Variants in MTA3 observed in about 807,000 individuals in gnomAD.
MTA3 encodes metastasis associated 1 family member 3.
A neutral mutation model predicts 83.5 loss-of-function variants in MTA3; 34 were observed. That is an observed-to-expected ratio of 0.41 (90% confidence interval 0.31 to 0.54). The LOEUF is 0.54. MTA3 is among the 20% of genes least tolerant of loss of function. MTA3 has a pLI of 0.33. For missense variants in MTA3, 761 were observed against 726.4 expected, an observed-to-expected ratio of 1.05 and a Z score of -0.55; for synonymous variants, 303 against 252.7, an observed-to-expected ratio of 1.20 and a Z score of -1.89.
In MTA3 at chr2:42,754,127, C is replaced by T; in HGVS notation, c.*728C>T. Reference sequence around the variant, plus strand: ...GGTGTTCTGCCCGGCTCTGCTTGGTCACAGACAGCTCCAGCAAGAGCAGTT... The same window carrying T: ...GGTGTTCTGCCCGGCTCTGCTTGGTTACAGACAGCTCCAGCAAGAGCAGTT... On this transcript the variant is annotated 3_prime_UTR_variant, in exon 17 of 17. Coordinates refer to ENST00000405094, the MANE Select transcript of MTA3 (RefSeq NM_001330442.2). 1.0e-6 allele frequency: 1 copy of T among 985,426 alleles called. No individual in the cohort carries two copies. Among genetic ancestry groups the T allele is most frequent in the Non-Finnish European group, 1.2e-6 (1 of 829,948 alleles). The allele number at this position is 985,426 out of a possible 1,614,324, so 61.0% of individuals were successfully genotyped here.
chr2:42,574,517 A>T (rs527621448), intron 2 of MTA3, among the ~76,000 whole-genome samples: 57 of 151,716 alleles, frequency 3.8e-4, no homozygotes, highest in African/African-American at 1.3e-3. Context: ...GCTCACTGCA[A>T]CCTCCTCCTC....
chr2:42,553,423 C>CAAAA (rs35686153), intron 2 of MTA3, among the ~76,000 whole-genome samples: 1 of 122,570 alleles, frequency 8.2e-6, no homozygotes, highest in African/African-American at 3.2e-5. Context: ...GACTCCATCT[C>CAAAA]AAAAAAAAAA....
intron 4 of MTA3, among the ~76,000 whole-genome samples, chr2:42,633,624 G>A (rs1389220534): frequency 1.3e-5 from 2 of 151,438 alleles, no homozygotes; most frequent in African/African-American, 4.9e-5. Flanking sequence ...GGGCGCGGTG[G>A]CTCATGCCTG....
rs377259680 is a variant in MTA3, at chr2:42,553,572, C to A, written c.-140-16865C>A. Among the ~76,000 whole-genome samples the A allele has an allele frequency of 3.3e-5, 5 of 149,778 alleles. No individual in the cohort carries two copies. In the East Asian group the frequency reaches 6.0e-4, roughly 18 times the overall value. On this transcript the variant is annotated intron_variant, in intron 2 of 17. Coordinates refer to the MTA3 transcript ENST00000405592. ...CCAACATGGAGAAACCCCGTCTCTA[C>A]TAAAAATACAAAATTAACCGAGTAT...
At chr2:42,666,120 A>G (rs1412799881) in intron 8 of MTA3, among the ~76,000 whole-genome samples, 1 of 152,162 alleles carries the variant, frequency 6.6e-6, no homozygotes, top group African/African-American at 2.4e-5. Flanking sequence ...TACTAAAAAT[A>G]CAAAAAATTA....
chr2:42,675,388 C>A (rs1691249985), intron 8 of MTA3, among the ~76,000 whole-genome samples: 1 of 152,136 alleles, frequency 6.6e-6, no homozygotes, highest in South Asian at 2.1e-4. Context: ...CCTGCGTTGG[C>A]CTCCTAAAGT....
At chr2:42,575,075 TTGGC>T in intron 2 of MTA3, among the ~76,000 whole-genome samples, 1 of 152,322 alleles carries the variant, frequency 6.6e-6, no homozygotes, top group Middle Eastern at 3.4e-3. Flanking sequence ...CCTATATTCT[TTGGC>T]TGTCACTGCC....
intron 11 of MTA3, among the ~76,000 whole-genome samples, chr2:42,701,421 T>TC (rs1382282961): frequency 2.0e-5 from 1 of 51,034 alleles, no homozygotes; most frequent in Admixed American, 2.3e-4. Flanking sequence ...CCTGTATCTA[T>TC]CAAAAAAAAA....
rs193180603 is a variant in MTA3 at position 42,559,677 on chromosome 2, G to A, written c.-140-10760G>A. Among the ~76,000 whole-genome samples the A allele has an allele frequency of 9.5e-4, 144 of 151,478 alleles. 2 individuals carry two copies. Among genetic ancestry groups the A allele is most frequent in the African/African-American group, 3.3e-3 (135 of 41,284 alleles). On this transcript the variant is annotated intron_variant, in intron 2 of 17. Transcript: ENST00000405592. ...GTGGATCACCTGAGGTCGGGAGTTCGAGACCAGCCTGACCAACATGGAGAA... is the reference window on the plus strand; with the variant it reads ...GTGGATCACCTGAGGTCGGGAGTTCAAGACCAGCCTGACCAACATGGAGAA...
intron 2 of MTA3, among the ~76,000 whole-genome samples, chr2:42,545,669 A>C (rs1676728830): frequency 6.6e-6 from 1 of 152,242 alleles, no homozygotes; most frequent in South Asian, 2.1e-4. Flanking sequence ...TGCCTGGCAC[A>C]TGGCAGGTTT....
intron 9 of MTA3, among the ~76,000 whole-genome samples, chr2:42,691,239 T>G (rs547613353): frequency 2.6e-5 from 4 of 151,918 alleles, no homozygotes; most frequent in East Asian, 1.9e-4. Flanking sequence ...CTCAATCTCC[T>G]GACCTTGTGA....
Position 42,708,864 on chromosome 2 carries a change from G to T in MTA3, c.1303-10G>T. 1 of 1,613,440 alleles carries T rather than the reference G, an allele frequency of 6.2e-7. No homozygotes were observed. The highest frequency in any genetic ancestry group is 1.1e-5 in the South Asian group (1 of 90,986). On this transcript the variant is annotated splice_polypyrimidine_tract_variant and intron_variant, in intron 13 of 16. Transcript: ENST00000405094. ...CTTCCTTGAGTGTTTGTTGTTTTCT[G>T]ATTTTGCAGGACCCTCGTGTTAGAA...
intron 2 of MTA3, among the ~76,000 whole-genome samples, chr2:42,507,656 C>T (rs1005685571): frequency 2.7e-5 from 4 of 150,802 alleles, no homozygotes; most frequent in Non-Finnish European, 4.4e-5. Context: ...AGGTCAGGTG[C>T]CGTGGCTCAC....
chr2:42,675,280 C>A (rs1040139554), intron 8 of MTA3, among the ~76,000 whole-genome samples: 6 of 151,918 alleles, frequency 3.9e-5, no homozygotes, highest in African/African-American at 1.5e-4. Context: ...GGACTACAGG[C>A]GCATGCCACC....
intron 8 of MTA3, among the ~76,000 whole-genome samples, chr2:42,668,116 C>T (rs1020270536): frequency 4.6e-5 from 7 of 152,146 alleles, no homozygotes; most frequent in Non-Finnish European, 1.0e-4. Context: ...GGGAGTGCAG[C>T]CACACTATGA....
At chr2:42,627,802 T>C (rs571073432) in intron 4 of MTA3, among the ~76,000 whole-genome samples, 1 of 146,406 alleles carries the variant, frequency 6.8e-6, no homozygotes, top group East Asian at 2.1e-4. Context: ...GGTCTCAAAC[T>C]CCTGACCTCT....
At chr2:42,515,534 GCTCT>G (rs1558407807) in intron 2 of MTA3, among the ~76,000 whole-genome samples, 1 of 150,462 alleles carries the variant, frequency 6.6e-6, no homozygotes, top group Non-Finnish European at 1.5e-5. Flanking sequence ...ATGGATTCTC[GCTCT>G]CTCTCCCAGG....
chr2:42,502,937 G>A (rs1674463874), intron 2 of MTA3, among the ~76,000 whole-genome samples: 1 of 151,740 alleles, frequency 6.6e-6, no homozygotes, highest in Non-Finnish European at 1.5e-5. Context: ...AGTCCAGCCT[G>A]GGAGACAGGG....
chr2:42,719,018 G>C lies in MTA3; in HGVS notation c.1556G>C (p.Ser519Thr), dbSNP rs1446211858. 5.2e-6 allele frequency: 8 copies of C among 1,550,310 alleles called. No individual in the cohort carries two copies. In the African/African-American group the frequency reaches 8.2e-5, roughly 16 times the overall value. ...GACAGACATGCTGAACTATCTGGAAGTCCACTGAAAAGCAAAAGCACTAGG... is the reference window on the plus strand; with the variant it reads ...GACAGACATGCTGAACTATCTGGAACTCCACTGAAAAGCAAAAGCACTAGG... The part of the protein sequence containing the change: ...YADRHAELSG[S>T]PLKSKSTRKP... Residue 519 changes from serine (S) to threonine (T), a missense_variant, in exon 15 of 17, where the codon AGT (serine) becomes ACT (threonine). Coordinates refer to ENST00000405094, the MANE Select transcript of MTA3 (RefSeq NM_001330442.2).
Sources: allele counts gnomAD v4.1 joint callset (sites outside exome capture counted in the v4.1 genomes callset), GRCh38; gene constraint gnomAD v4.1.1; transcripts MANE v1.5; gene names NCBI Gene and HGNC (gene_info 2026-07-23, HGNC 2026-07-21).